The following KNL1 variants were observed in gnomAD, a reference collection of about 807,000 sequenced individuals.
KNL1 encodes the protein outer kinetochore KNL1 complex subunit KNL1.
A neutral mutation model predicts 201.3 loss-of-function variants in KNL1; 66 were observed. That is an observed-to-expected ratio of 0.33 (90% CI 0.27 to 0.40). KNL1 has a LOEUF of 0.40. Ranked by LOEUF, KNL1 falls within the 10% of genes least tolerant of loss-of-function variation. The pLI is 1.00. For synonymous variants in KNL1, 895 were observed against 899.2 expected, an observed-to-expected ratio of 1.00 and a Z score of 0.08; for missense variants, 2,815 against 2,690.5, an observed-to-expected ratio of 1.05 and a Z score of -1.02.
Position 40,622,072 on chromosome 15 carries a change from C to G in KNL1, c.1808C>G (p.Ser603Cys), listed in dbSNP as rs1246847135. ...LAPESTSESH[S>C]QSKSSSDECE... ...CCGGAGAGTACCAGTGAATCTCACT[C>G]TCAGAGCAAAAGCTCTTCAGATGAA... The change falls in exon 10 of 26, where the codon TCT becomes TGT. Residue 603 changes from serine to cysteine, a missense_variant. Physicochemically the swap from Ser to Cys is moderately radical, Grantham distance 112. Coordinates refer to ENST00000399668, the MANE Select transcript of KNL1 (RefSeq NM_144508.5). 1.9e-6 allele frequency: 3 copies of G among 1,613,884 alleles called. No individual in the cohort carries two copies. The highest frequency in any genetic ancestry group is 2.5e-6 in the Non-Finnish European group (3 of 1,179,940).
At chr15:40,635,050 ATT>A (rs35448029) in intron 13 of KNL1, among the ~76,000 whole-genome samples, 125 of 142,374 alleles carry the variant, frequency 8.8e-4, no homozygotes, top group Non-Finnish European at 7.4e-4. Context: ...CTGTTTCAGG[ATT>A]TTTTTTTTTT....
Position 40,663,125 on chromosome 15 carries a change from T to A in KNL1, c.*937T>A, listed in dbSNP as rs1048320024. 2 of 157,292 alleles carry A rather than the reference T, an allele frequency of 1.3e-5. No individual in the cohort carries two copies. The highest frequency in any genetic ancestry group is 4.8e-5 in the African/African-American group (2 of 41,536). The allele number at this position is 157,292 out of a possible 1,614,324, so 9.7% of individuals were successfully genotyped here. A position where few individuals can be genotyped will look rare whatever the true frequency, so the allele number is the denominator to read the frequency against. On this transcript the variant is annotated 3_prime_UTR_variant, in exon 26 of 26. Coordinates refer to ENST00000399668, the MANE Select transcript of KNL1 (RefSeq NM_144508.5). ...CCCAGGCTGGAGTGCAGTGGCATGA[T>A]CTCAGCTCACTGCAAGCTCCGCCTC...
At chr15:40,632,417 C>T (rs1595933701) in intron 13 of KNL1, among the ~76,000 whole-genome samples, 1 of 151,804 alleles carries the variant, frequency 6.6e-6, no homozygotes, top group Non-Finnish European at 1.5e-5. Flanking sequence ...GAGACCAGAC[C>T]AGGCAACAGG....
chr15:40,620,577 T>A lies in KNL1; in HGVS notation c.376-63T>A, dbSNP rs138908648. 2.3e-4 allele frequency: 243 copies of A among 1,050,414 alleles called. No individual in the cohort carries two copies. The East Asian group carries it at 5.3e-3, about 23-fold the overall frequency. The allele number at this position is 1,050,414 out of a possible 1,614,324, so 65.1% of individuals were successfully genotyped here. Reference sequence around the variant, plus strand: ...TGAGGATTTTTTATATAATACATGTTGTAAAATGCCTTTTTAAAAGTTTGC... The same window carrying A: ...TGAGGATTTTTTATATAATACATGTAGTAAAATGCCTTTTTAAAAGTTTGC... On this transcript the variant is annotated intron_variant, in intron 9 of 25. Transcript: ENST00000399668.
At chr15:40,639,205 A>T in intron 13 of KNL1, among the ~76,000 whole-genome samples, 1 of 144,116 alleles carries the variant, frequency 6.9e-6, no homozygotes. Flanking sequence ...TCATAATCCC[A>T]GCACTTTGGG....
rs1359723689 is a variant in KNL1 at position 40,621,083 on chromosome 15, C to G, written c.819C>G (p.Leu273=). 2 of 1,613,130 alleles carry G rather than the reference C, an allele frequency of 1.2e-6. No individual in the cohort carries two copies. The highest frequency in any genetic ancestry group is 1.3e-5 in the African/African-American group (1 of 74,846). Residue 273 remains leucine, a synonymous_variant, in exon 10 of 26, where the codon CTC becomes CTG. Coordinates refer to ENST00000399668, the MANE Select transcript of KNL1 (RefSeq NM_144508.5). ...AAAATAACAGTAATATTACTAGGCT[C>G]TTTAGAGAAAAAGATGATGGGATGA... is the stretch of plus-strand genomic sequence containing the variant. ...EDENNSNITR[L]FREKDDGMNF...
At chr15:40,599,274 C>T (rs963200404) in intron 1 of KNL1, among the ~76,000 whole-genome samples, 3 of 147,056 alleles carry the variant, frequency 2.0e-5, no homozygotes, top group African/African-American at 7.6e-5. Flanking sequence ...AATTGCGTCA[C>T]TGCACTCCAG....
rs1242621814 is a variant in KNL1, at chr15:40,653,189, T to TTATA, written c.6415+1085_6415+1086insATAT. Among the ~76,000 whole-genome samples the TTATA allele has an allele frequency of 9.2e-5, 14 of 152,092 alleles. 1 individual carries two copies. The highest frequency in any genetic ancestry group is 2.1e-4 in the Non-Finnish European group (14 of 68,022). ...ATGCTTTTTGTTTTTATTTATTTAT[T>TTATA]TTTATTTATTTATTTTTTTGAGACA... is the stretch of plus-strand genomic sequence containing the variant. On this transcript the variant is annotated intron_variant, in intron 21 of 25. Transcript: ENST00000399668.
At chr15:40,654,422 T>C (rs1893658460) in intron 21 of KNL1, among the ~76,000 whole-genome samples, 1 of 150,856 alleles carries the variant, frequency 6.6e-6, no homozygotes, top group Non-Finnish European at 1.5e-5. Flanking sequence ...TACCAATCAA[T>C]GTAGTTGAAC....
chr15:40,606,355 G>A (rs375718697), intron 3 of KNL1, 38 bp from the exon 4 acceptor site: 3 of 1,251,402 alleles, frequency 2.4e-6, no homozygotes, highest in African/African-American at 1.5e-5. Context: ...TAATAGATAT[G>A]CCAGATTTTT....
intron 13 of KNL1, among the ~76,000 whole-genome samples, chr15:40,631,941 C>G (rs1377153445): frequency 6.7e-6 from 1 of 148,320 alleles, no homozygotes; most frequent in Non-Finnish European, 1.5e-5. Flanking sequence ...CCCAGGGGTT[C>G]AAGGCTGCAG....
intron 22 of KNL1, 105 bp from the exon 23 acceptor site, chr15:40,656,937 A>C (rs1022629895): frequency 5.8e-6 from 3 of 513,974 alleles, no homozygotes; most frequent in South Asian, 4.1e-5. Flanking sequence ...TGTACCTGGT[A>C]GTTTGAGAAT....
chr15:40,605,597 A>C (rs1447647525), intron 3 of KNL1, among the ~76,000 whole-genome samples: 1 of 152,140 alleles, frequency 6.6e-6, no homozygotes, highest in African/African-American at 2.4e-5. Context: ...AATTACAAGC[A>C]TGTACCACGT....
At chr15:40,652,133 T>G (rs566568849) in intron 21 of KNL1, 28 bp downstream of exon 21, 1 of 1,469,618 alleles carries the variant, frequency 6.8e-7, no homozygotes, top group Non-Finnish European at 9.5e-7. Context: ...GATAATTCTT[T>G]TACAGAAAAA....
chr15:40,647,940 G>T (rs1422164370), intron 17 of KNL1, among the ~76,000 whole-genome samples: 1 of 152,100 alleles, frequency 6.6e-6, no homozygotes, highest in Non-Finnish European at 1.5e-5. Flanking sequence ...TTTATCATCT[G>T]TTCTTTTCTA....
chr15:40,607,841 C>T (rs566994113), intron 4 of KNL1, among the ~76,000 whole-genome samples: 1 of 151,902 alleles, frequency 6.6e-6, no homozygotes, highest in East Asian at 1.9e-4. Context: ...CTTGTGCTTT[C>T]TTGGTGGGGG....
chr15:40,606,222 A>T (rs898962292), intron 3 of KNL1, among the ~76,000 whole-genome samples, 171 bp from the exon 4 acceptor site: 8 of 152,238 alleles, frequency 5.3e-5, no homozygotes, highest in Non-Finnish European at 1.5e-5. Context: ...AAGGGAATAG[A>T]TGTCAGATAT....
chr15:40,597,101 AC>A (rs1891643939), intron 1 of KNL1, among the ~76,000 whole-genome samples: 1 of 151,896 alleles, frequency 6.6e-6, no homozygotes, highest in Non-Finnish European at 1.5e-5. Flanking sequence ...ATGCAAATGT[AC>A]TGTTTTGATC....
chr15:40,604,213 G>C (rs1891902111), intron 2 of KNL1, among the ~76,000 whole-genome samples: 1 of 73,040 alleles, frequency 1.4e-5, no homozygotes, highest in Non-Finnish European at 3.9e-5. Flanking sequence ...TCAATTTAAG[G>C]ATGAGAAAAT....
Sources: allele counts gnomAD v4.1 joint callset (sites outside exome capture counted in the v4.1 genomes callset), GRCh38; gene constraint gnomAD v4.1.1; transcripts MANE v1.5; gene names NCBI Gene and HGNC (gene_info 2026-07-23, HGNC 2026-07-21).